Variants in IGHMBP2 observed in about 807,000 individuals in gnomAD.
IGHMBP2 encodes the protein DNA-binding protein SMUBP-2.
Under a neutral mutation model 96.0 loss-of-function variants are expected in IGHMBP2, and 81 were observed. The observed-to-expected ratio is 0.84, with a 90% CI of 0.71 to 1.01. The LOEUF is 1.01. IGHMBP2 is among the 50% of genes least tolerant of loss of function. IGHMBP2 has a pLI of 0.00. For synonymous variants in IGHMBP2, 557 were observed against 548.9 expected, an observed-to-expected ratio of 1.01 and a Z score of -0.21; for missense variants, 1,227 against 1,306.3, an observed-to-expected ratio of 0.94 and a Z score of 0.94.
intron 4 of IGHMBP2, 149 bp from the exon 5 acceptor site, chr11:68,911,291 T>G (rs986859037): frequency 6.2e-5 from 46 of 747,572 alleles, no homozygotes; most frequent in Non-Finnish European, 1.0e-4. Flanking sequence ...TAAAGCAGAC[T>G]TAATTTTGTG....
intron 7 of IGHMBP2, among the ~76,000 whole-genome samples, chr11:68,926,684 C>T (rs1324406642): frequency 6.6e-6 from 1 of 152,196 alleles, no homozygotes; most frequent in Non-Finnish European, 1.5e-5. Flanking sequence ...GCTGTTTGAA[C>T]ATACTTAGAA....
chr11:68,914,983 A>C lies in IGHMBP2; in HGVS notation c.872A>C (p.Gln291Pro). ...DAVLARSDSA[Q>P]IVADIRKDID... ...GTTTTAGCGCGGAGCGACAGTGCCCAGATTGTTGCAGATATCAGGAAGGAC... is the reference window on the plus strand; with the variant it reads ...GTTTTAGCGCGGAGCGACAGTGCCCCGATTGTTGCAGATATCAGGAAGGAC... Residue 291 changes from glutamine to proline, a missense_variant, in exon 6 of 15, where the codon CAG becomes CCG. Gln to Pro is a moderately conservative substitution (Grantham distance 76, BLOSUM62 -1). Coordinates refer to ENST00000255078, the MANE Select transcript of IGHMBP2 (RefSeq NM_002180.3). The C allele has an allele frequency of 6.2e-7, 1 of 1,614,132 alleles. No individual in the cohort carries two copies. Among genetic ancestry groups the C allele is most frequent in the South Asian group, 1.1e-5 (1 of 91,078 alleles).
At chr11:68,905,601 C>G (rs1004328474) in intron 1 of IGHMBP2, among the ~76,000 whole-genome samples, 1 of 152,162 alleles carries the variant, frequency 6.6e-6, no homozygotes, top group Non-Finnish European at 1.5e-5. Context: ...CGGGGTTAAG[C>G]AGGTGAGGGA....
At chr11:68,925,897 T>C (rs563508985) in intron 7 of IGHMBP2, among the ~76,000 whole-genome samples, 1 of 152,324 alleles carries the variant, frequency 6.6e-6, no homozygotes. Context: ...GAGTGTGTGA[T>C]TATCATGTGT....
rs768631087 is a variant in IGHMBP2, at chr11:68,906,166, C to G, written c.184C>G (p.Arg62Gly). The change falls in exon 2 of 15, where the codon CGG becomes GGG. Residue 62 changes from arginine (R) to glycine (G), a missense_variant. By Grantham distance (125) the Arg-to-Gly change is moderately radical. Transcript: ENST00000255078. ...VSSQRTGLYG[R>G]LLVTFEPRRY... is the part of the protein sequence containing the mutation. ...CAGCCAGCGCACTGGGCTGTACGGA[C>G]GGCTGCTGGTCACCTTTGAGCCCAG... 2.5e-6 allele frequency: 4 copies of G among 1,614,052 alleles called. No individual in the cohort carries two copies. Among genetic ancestry groups the G allele is most frequent in the African/African-American group, 1.3e-5 (1 of 74,916 alleles).
At chr11:68,932,417 G>C (rs1376436118) in intron 8 of IGHMBP2, 1 of 152,240 alleles carries the variant, frequency 6.6e-6, no homozygotes, top group Admixed American at 6.5e-5. Flanking sequence ...CAGAGGGTGG[G>C]CTCTGGCACC....
chr11:68,919,509 G>A (rs1402180705), intron 7 of IGHMBP2, among the ~76,000 whole-genome samples: 2 of 152,156 alleles, frequency 1.3e-5, no homozygotes, highest in Admixed American at 6.5e-5. Flanking sequence ...ATAGTTCATC[G>A]AGACTTACTT....
chr11:68,909,921 C>G (rs902974237), intron 4 of IGHMBP2, among the ~76,000 whole-genome samples: 2 of 152,188 alleles, frequency 1.3e-5, no homozygotes, highest in African/African-American at 2.4e-5. Context: ...CGTGAGCCAC[C>G]GTGCCCGGTC....
In IGHMBP2 at chr11:68,937,792, G is replaced by T. The variant is rs1410561324; in HGVS notation, c.2612-390G>T. The T allele has an allele frequency of 1.0e-4, 26 of 259,500 alleles. 1 individual carries two copies. In the South Asian group the frequency reaches 1.3e-3, roughly 13 times the overall value. 16.1% of individuals were successfully genotyped at this position (259,500 alleles called of 1,614,324 possible). Reference sequence around the variant, plus strand: ...GCGAAGCTACACCAGCACATGGGTGGCTTTGAAAGGGGCCTCCCAGAGCCT... The same window carrying T: ...GCGAAGCTACACCAGCACATGGGTGTCTTTGAAAGGGGCCTCCCAGAGCCT... On this transcript the variant is annotated intron_variant, in intron 13 of 14. Coordinates refer to ENST00000255078, the MANE Select transcript of IGHMBP2 (RefSeq NM_002180.3).
intron 13 of IGHMBP2, 91 bp from the exon 14 acceptor site, chr11:68,938,091 A>G (rs539200201): frequency 2.1e-6 from 3 of 1,416,818 alleles, no homozygotes; most frequent in Non-Finnish European, 3.0e-6. Flanking sequence ...GGTGTGAGCC[A>G]CCGTGCTTAG....
At chr11:68,924,518 G>T (rs1858993861) in intron 7 of IGHMBP2, among the ~76,000 whole-genome samples, 2 of 152,228 alleles carry the variant, frequency 1.3e-5, no homozygotes, top group South Asian at 4.1e-4. Context: ...TCTGAAACTT[G>T]CCTGGAAAGG....
At chr11:68,912,803 G>T (rs546927476) in intron 5 of IGHMBP2, among the ~76,000 whole-genome samples, 3 of 151,960 alleles carry the variant, frequency 2.0e-5, no homozygotes, top group African/African-American at 7.2e-5. Flanking sequence ...ACTTTGGGAG[G>T]CTGAGGCGGG....
At chr11:68,920,602 C>T (rs1231918592) in intron 7 of IGHMBP2, among the ~76,000 whole-genome samples, 1 of 152,192 alleles carries the variant, frequency 6.6e-6, no homozygotes, top group Admixed American at 6.5e-5. Flanking sequence ...CCCACCTCAG[C>T]CTCCTGAGTA....
At chr11:68,939,410 A>G (rs1859665122) in intron 14 of IGHMBP2, 124 bp from the exon 15 acceptor site, 2 of 972,788 alleles carry the variant, frequency 2.1e-6, no homozygotes, top group Non-Finnish European at 1.6e-6. Context: ...AAGGACTGAC[A>G]TGGCGGGAGG....
intron 8 of IGHMBP2, among the ~76,000 whole-genome samples, chr11:68,931,609 C>T (rs1032756124): frequency 7.2e-5 from 11 of 152,108 alleles, no homozygotes; most frequent in African/African-American, 2.4e-4. Flanking sequence ...TCAGAAGGGG[C>T]GGGGCTCCCA....
At position 68,939,776 on chromosome 11, in the gene IGHMBP2, C is replaced by T. The variant is rs1172414812; in HGVS notation, c.*45C>T. 6.4e-7 allele frequency: 1 copy of T among 1,551,480 alleles called. No individual in the cohort carries two copies. Among genetic ancestry groups the T allele is most frequent in the Admixed American group, 1.9e-5 (1 of 51,840 alleles). On this transcript the variant is annotated 3_prime_UTR_variant, in exon 15 of 15. Transcript: ENST00000255078. ...CCCCGCGGAGCTCTCTCCATGGTAG[C>T]CCAGGGCGCTGGCAGACCATGCTCC...
rs527948004 is a variant in IGHMBP2 at position 68,904,045 on chromosome 11, G to C, written c.86+7G>C. The stretch of plus-strand genomic sequence containing the variant: ...CGGAGGTGGAGGAGCGCAGGTACGG[G>C]AGGCCGCCGGCGCCGCTCCCTCGCG... On this transcript the variant is annotated splice_region_variant and intron_variant, in intron 1 of 14. Transcript: ENST00000255078. 9.1e-5 allele frequency: 141 copies of C among 1,547,788 alleles called. 2 individuals are homozygous for C. In the South Asian group the frequency reaches 1.6e-3, roughly 18 times the overall value.
rs377177590 is a variant in IGHMBP2 at position 68,905,936 on chromosome 11, G to A, written c.87-133G>A. The A allele has an allele frequency of 7.5e-5, 68 of 912,192 alleles. No individual in the cohort carries two copies. In the Middle Eastern group the frequency reaches 9.6e-4, roughly 13 times the overall value. 56.5% of individuals were successfully genotyped at this position (912,192 alleles called of 1,614,324 possible). Reference sequence around the variant, plus strand: ...GCGGGATTGGGAGTGGAGCCAATTCGGAGTTCCATTGGGACATATTTAGTG... The same window carrying A: ...GCGGGATTGGGAGTGGAGCCAATTCAGAGTTCCATTGGGACATATTTAGTG... On this transcript the variant is annotated intron_variant, in intron 1 of 14. Transcript: ENST00000255078.
chr11:68,930,335 CG>C, intron 8 of IGHMBP2: 2 of 1,289,758 alleles, frequency 1.6e-6, no homozygotes, highest in Non-Finnish European at 2.0e-6. Context: ...GCTATGAACT[CG>C]GAACTTTCGT....
Sources: gnomAD v4.1 joint callset for allele counts (sites outside exome capture counted in the v4.1 genomes callset) on GRCh38, gnomAD v4.1.1 for gene constraint, MANE v1.5 for transcripts, NCBI Gene and HGNC (gene_info 2026-07-23, HGNC 2026-07-21) for gene names.